Variants in TG observed in about 807,000 individuals in gnomAD.
The protein encoded by TG is thyroid hormones.
In TG, 270 loss-of-function variants were observed where a neutral mutation model predicts 324.7. The observed-to-expected ratio is 0.83, with a 90% CI of 0.75 to 0.92. The LOEUF (loss-of-function observed/expected upper bound fraction) is 0.92, where lower values mean the gene tolerates loss of function less well. TG is among the 40% of genes least tolerant of loss of function. TG has a pLI of 0.00. For synonymous variants in TG, 1,401 were observed against 1,327.0 expected (o/e 1.06, Z -1.21); for missense variants, 3,591 against 3,456.4 (o/e 1.04, Z -0.98).
chr8:133,115,311 C>T (rs909980794), intron 44 of TG, among the ~76,000 whole-genome samples: 5 of 152,154 alleles, frequency 3.3e-5, no homozygotes, highest in African/African-American at 1.2e-4. Flanking sequence ...GGCCCCATCT[C>T]CCTGGCAGTT....
chr8:132,925,593 T>C (rs939701135), intron 22 of TG, among the ~76,000 whole-genome samples: 5 of 151,320 alleles, frequency 3.3e-5, no homozygotes, highest in Admixed American at 6.6e-5. Flanking sequence ...CTTATTTTTT[T>C]CCCAACATCC....
At chr8:132,931,973 A>G (rs1201198954) in intron 23 of TG, among the ~76,000 whole-genome samples, 2 of 152,308 alleles carry the variant, frequency 1.3e-5, no homozygotes, top group South Asian at 2.1e-4. Flanking sequence ...GCGTACCTGT[A>G]ATCCCAGCTA....
chr8:132,964,967 A>G, intron 29 of TG: 1 of 701,932 alleles, frequency 1.4e-6, no homozygotes, highest in South Asian at 1.5e-5. Flanking sequence ...AGGTAAGGGG[A>G]ACACCTGTGC....
intron 41 of TG, among the ~76,000 whole-genome samples, chr8:133,079,435 A>G (rs767673934): frequency 1.3e-5 from 2 of 152,212 alleles, no homozygotes; most frequent in Non-Finnish European, 2.9e-5. Flanking sequence ...CTAGCTTTAC[A>G]TACTTCACGT....
rs141191791 is a variant in TG at position 132,967,962 on chromosome 8, G to A, written c.5855G>A (p.Arg1952Gln). Residue 1952 changes from arginine to glutamine, a missense_variant, in exon 31 of 48, where the codon CGG becomes CAG. Physicochemically the swap from Arg to Gln is conservative, Grantham distance 43. Transcript: ENST00000220616. ...ILPQMPKALF[R>Q]KKVILEDKVK... ...CCTCAGATGCCAAAGGCCCTGTTCC[G>A]GAAGAAAGGTGAGCACTTGGAGAGA... 1,364 of 1,613,346 alleles carry A rather than the reference G, an allele frequency of 8.5e-4. 10 individuals are homozygous for A. The highest frequency in any genetic ancestry group is 1.6e-4 in the Non-Finnish European group (186 of 1,179,742).
chr8:133,065,556 G>GT (rs982056582), intron 41 of TG, among the ~76,000 whole-genome samples: 5 of 152,212 alleles, frequency 3.3e-5, no homozygotes, highest in African/African-American at 1.2e-4. Context: ...CAGGTCAGGA[G>GT]TTCAAGACCA....
chr8:133,090,188 A>G (rs1330027960), intron 41 of TG: 5 of 152,356 alleles, frequency 3.3e-5, no homozygotes, highest in Admixed American at 3.3e-4. Context: ...TGATTTCAAT[A>G]AGCCAGCATT....
chr8:132,982,840 G>A (rs1485298488), intron 34 of TG, among the ~76,000 whole-genome samples: 1 of 152,192 alleles, frequency 6.6e-6, no homozygotes. Flanking sequence ...TAGCATTTGT[G>A]TTGTTTCCCA....
chr8:132,898,950 C>A, intron 14 of TG, 40 bp downstream of exon 14: 1 of 1,534,862 alleles, frequency 6.5e-7, no homozygotes, highest in Non-Finnish European at 9.0e-7. Flanking sequence ...CGGGACTTGT[C>A]CCCGCTGGTC....
At chr8:132,909,672 A>G (rs1384350278) in intron 18 of TG, among the ~76,000 whole-genome samples, 1 of 152,238 alleles carries the variant, frequency 6.6e-6, no homozygotes, top group Admixed American at 6.5e-5. Flanking sequence ...CAGCACTCCT[A>G]CCAGTGTGAC....
intron 8 of TG, among the ~76,000 whole-genome samples, chr8:132,884,584 G>C (rs1815120992): frequency 6.6e-6 from 1 of 152,146 alleles, no homozygotes; most frequent in African/African-American, 2.4e-5. Context: ...CTAAGTGTGA[G>C]AATGTCGAAA....
At chr8:132,894,004 T>A in intron 11 of TG, 75 bp downstream of exon 11, 1 of 1,608,664 alleles carries the variant, frequency 6.2e-7, no homozygotes, top group Non-Finnish European at 8.5e-7. Flanking sequence ...CTCTCCTCAG[T>A]CATCCTTAGG....
rs773263797 is a variant in TG, at chr8:132,873,235, G to A, written c.638+14G>A. ...CAGCTACAACAGGTAAGGGGAGCAG[G>A]GGTGTGCCAGTCACTGGGCCATCAC... is the stretch of plus-strand genomic sequence containing the variant. On this transcript the variant is annotated intron_variant, in intron 5 of 47. Transcript: ENST00000220616. 1.1e-5 allele frequency: 18 copies of A among 1,613,702 alleles called. No homozygotes were observed. Among genetic ancestry groups the A allele is most frequent in the Admixed American group, 5.0e-5 (3 of 59,986 alleles).
At chr8:133,108,096 C>T (rs1321102285) in intron 43 of TG, among the ~76,000 whole-genome samples, 5 of 151,588 alleles carry the variant, frequency 3.3e-5, no homozygotes, top group African/African-American at 1.2e-4. Flanking sequence ...ATTCTCCTAC[C>T]TCAGCCTCCC....
intron 32 of TG, among the ~76,000 whole-genome samples, 175 bp downstream of exon 32, chr8:132,969,744 C>G (rs12544016): frequency 6.6e-6 from 1 of 151,886 alleles, no homozygotes; most frequent in Admixed American, 6.6e-5. Flanking sequence ...AGCCCCGTCT[C>G]TACTAAAAAT....
chr8:132,987,718 T>TG (rs1364951885), intron 35 of TG, among the ~76,000 whole-genome samples: 7 of 111,230 alleles, frequency 6.3e-5, no homozygotes, highest in Non-Finnish European at 7.8e-5. Context: ...CGTGTGTGTG[T>TG]GTGGTGTGTG....
At chr8:133,076,271 C>T (rs1460401436) in intron 41 of TG, 1 of 152,308 alleles carries the variant, frequency 6.6e-6, no homozygotes, top group Non-Finnish European at 1.5e-5. Context: ...GGGCCAGAAT[C>T]TACGGCCGGT....
chr8:133,040,058 C>T (rs1277798136), intron 41 of TG: 1 of 1,554,522 alleles, frequency 6.4e-7, no homozygotes. Context: ...GCTGGAGGCC[C>T]TCACTGCTGG....
At position 132,925,516 on chromosome 8, in the gene TG, CGTGTGTGTGTGTGTGTGTGTGT is replaced by C. The variant is rs139966752; in HGVS notation, c.4699+2023_4699+2044del. 1.4e-4 allele frequency among the ~76,000 whole-genome samples: 20 copies of C among 144,730 alleles called. No individual in the cohort carries two copies. The Admixed American group carries it at 1.4e-3, about 10-fold the overall frequency. 94.9% of individuals were successfully genotyped at this position (144,730 alleles called of 152,430 possible). The stretch of plus-strand genomic sequence containing the variant: ...AAGTGCTAACAAGTCCTAAGGAGTG[CGTGTGTGTGTGTGTGTGTGTGT>C]GTGTGTGTGTGTGTTCTTGAATAAA... On this transcript the variant is annotated intron_variant, in intron 22 of 47. Transcript: ENST00000220616.
Sources: allele counts gnomAD v4.1 joint callset (sites outside exome capture counted in the v4.1 genomes callset), GRCh38; gene constraint gnomAD v4.1.1; transcripts MANE v1.5; gene names NCBI Gene and HGNC (gene_info 2026-07-23, HGNC 2026-07-21).